Variants in RTL4 observed in about 807,000 individuals in gnomAD.
The protein encoded by RTL4 is retrotransposon Gag-like protein 4.
Under a neutral mutation model 5.3 loss-of-function variants are expected in RTL4, and 4 were observed. The ratio of observed to expected loss-of-function variants is 0.75; its 90% CI spans 0.37 to 1.72. RTL4 has a LOEUF of 1.72. Among genes scored for constraint, RTL4 ranks in the 40% most tolerant of loss-of-function variants. RTL4 has a pLI of 0.04. For missense variants in RTL4, 260 were observed against 227.1 expected (o/e 1.14, Z -0.93); for synonymous variants, 98 against 87.3 (o/e 1.12, Z -0.68).
chrX:112,315,729 A>G, the RTL4 span, among the ~76,000 whole-genome samples: 116 of 111,480 alleles, frequency 1.0e-3, 1 homozygote, highest in Non-Finnish European at 1.8e-3. Flanking sequence ...TTTCCTCTCA[A>G]CACTGATAGA....
the RTL4 span, among the ~76,000 whole-genome samples, chrX:112,311,599 AGTAACACC>A: frequency 9.0e-6 from 1 of 111,162 alleles, no homozygotes; most frequent in Non-Finnish European, 1.9e-5. Context: ...GTATTAGAAA[AGTAACACC>A]CAATGAGAGC....
the RTL4 span, among the ~76,000 whole-genome samples, chrX:112,303,566 A>T: frequency 1.2e-5 from 1 of 81,663 alleles, no homozygotes; most frequent in Admixed American, 1.7e-4. Context: ...ATGAGAACAC[A>T]TGGACACAGG....
chrX:112,252,571 A>G, the RTL4 span, among the ~76,000 whole-genome samples: 1 of 110,950 alleles, frequency 9.0e-6, no homozygotes, highest in Non-Finnish European at 1.9e-5. Flanking sequence ...TGCCATTAGT[A>G]TGCTCTGTGC....
chrX:112,354,615 C>A, the RTL4 span, among the ~76,000 whole-genome samples: 2 of 111,344 alleles, frequency 1.8e-5, no homozygotes, highest in South Asian at 3.8e-4. Context: ...AAAGGGAAAC[C>A]TTGCCTTTCT....
chrX:112,429,609 T>C, the RTL4 span, among the ~76,000 whole-genome samples: 1 of 111,313 alleles, frequency 9.0e-6, no homozygotes, highest in Admixed American at 9.6e-5. Context: ...AAAATAAAAA[T>C]TTTTATTTCA....
the RTL4 span, among the ~76,000 whole-genome samples, chrX:112,259,664 C>G: frequency 2.7e-5 from 3 of 110,907 alleles, no homozygotes; most frequent in East Asian, 8.6e-4. Context: ...GCCTCAGTAT[C>G]CTTGTTGGAA....
At chrX:112,248,243 A>C in the RTL4 span, among the ~76,000 whole-genome samples, 5 of 112,420 alleles carry the variant, frequency 4.4e-5, no homozygotes, top group Non-Finnish European at 7.5e-5. Flanking sequence ...TCTTTAAAAA[A>C]ATCTACTTTT....
the RTL4 span, among the ~76,000 whole-genome samples, chrX:112,187,517 C>A: frequency 9.0e-6 from 1 of 111,543 alleles, no homozygotes; most frequent in Non-Finnish European, 1.9e-5. Context: ...ACAAGATAAG[C>A]CTTCATTCTA....
chrX:112,392,731 A>G, the RTL4 span, among the ~76,000 whole-genome samples: 1 of 110,725 alleles, frequency 9.0e-6, no homozygotes, highest in Non-Finnish European at 1.9e-5. Context: ...AAGTTGGAAA[A>G]CTTTGTCAGT....
the RTL4 span, among the ~76,000 whole-genome samples, chrX:112,097,115 T>C: frequency 1.8e-5 from 2 of 111,733 alleles, no homozygotes; most frequent in Non-Finnish European, 3.8e-5. Flanking sequence ...CTCACATACA[T>C]TCATTTATTC....
chrX:112,298,508 CT>C, the RTL4 span, among the ~76,000 whole-genome samples: 1,504 of 112,306 alleles, frequency 0.013, 6 homozygotes, highest in Middle Eastern at 0.023. Flanking sequence ...GAGCAACTTA[CT>C]TTAGGGTCCT....
At chrX:112,408,850 T>C in the RTL4 span, among the ~76,000 whole-genome samples, 11 of 112,245 alleles carry the variant, frequency 9.8e-5, no homozygotes, top group Non-Finnish European at 1.9e-5. Flanking sequence ...AGGAAACCTT[T>C]CCGTGGAGAA....
chrX:112,086,606 C>T, the RTL4 span, among the ~76,000 whole-genome samples: 1 of 112,085 alleles, frequency 8.9e-6, no homozygotes, highest in African/African-American at 3.2e-5. Context: ...TGAGTAAGCT[C>T]CTGCCTTAGA....
the RTL4 span, among the ~76,000 whole-genome samples, chrX:112,339,638 C>T: frequency 2.3e-4 from 26 of 112,285 alleles, no homozygotes; most frequent in Non-Finnish European, 4.5e-4. Context: ...ACATCATGGG[C>T]GCTAACAATG....
the RTL4 span, among the ~76,000 whole-genome samples, chrX:112,414,494 G>A: frequency 1.8e-5 from 2 of 111,120 alleles, no homozygotes; most frequent in African/African-American, 6.5e-5. Flanking sequence ...CATTATTTTG[G>A]TATAAGAAGA....
At chrX:112,208,783 T>G in the RTL4 span, among the ~76,000 whole-genome samples, 1 of 112,514 alleles carries the variant, frequency 8.9e-6, no homozygotes, top group Non-Finnish European at 1.9e-5. Context: ...TCAACTGCAT[T>G]CAGAAGTCCT....
chrX:112,144,903 C>T, the RTL4 span, among the ~76,000 whole-genome samples: 2 of 111,592 alleles, frequency 1.8e-5, no homozygotes, highest in East Asian at 2.8e-4. Context: ...TTTCTAATCC[C>T]AAATATGACC....
the RTL4 span, among the ~76,000 whole-genome samples, chrX:112,104,832 T>C: frequency 2.7e-5 from 3 of 111,952 alleles, no homozygotes; most frequent in Non-Finnish European, 3.8e-5. Context: ...AAATACTTTC[T>C]CCCATTCTGT....
the RTL4 span, among the ~76,000 whole-genome samples, chrX:112,280,873 A>G: frequency 0.038 from 4,242 of 110,924 alleles, 222 homozygotes; most frequent in African/African-American, 0.13. Flanking sequence ...TTTATTTTTC[A>G]GTGACAAATA....
Sources: allele counts gnomAD v4.1 joint callset (sites outside exome capture counted in the v4.1 genomes callset), GRCh38; gene constraint gnomAD v4.1.1; transcripts MANE v1.5; gene names NCBI Gene and HGNC (gene_info 2026-07-23, HGNC 2026-07-21).